Variants in TMEM108 observed in about 807,000 individuals in gnomAD.
TMEM108 encodes the protein transmembrane protein 108.
Under a neutral mutation model 35.1 loss-of-function variants are expected in TMEM108, and 12 were observed. The observed-to-expected ratio is 0.34, with a 90% CI of 0.22 to 0.55. TMEM108 has a LOEUF of 0.55. Among genes scored for constraint, TMEM108 ranks in the 20% least tolerant of loss-of-function variants. The probability of loss-of-function intolerance (pLI) is 0.89; values close to 1 mark genes in which losing one functional copy is unlikely to be tolerated. For missense variants in TMEM108, 680 were observed against 753.3 expected (o/e 0.90, Z 1.14); for synonymous variants, 287 against 308.6 (o/e 0.93, Z 0.73).
At chr3:133,174,770 T>C (rs991999531) in intron 2 of TMEM108, among the ~76,000 whole-genome samples, 1 of 152,152 alleles carries the variant, frequency 6.6e-6, no homozygotes, top group Non-Finnish European at 1.5e-5. Flanking sequence ...ATCAGAGCGC[T>C]TCTCTCCTCC....
At chr3:133,383,558 C>G (rs999987055) in intron 4 of TMEM108, among the ~76,000 whole-genome samples, 1 of 152,192 alleles carries the variant, frequency 6.6e-6, no homozygotes, top group Non-Finnish European at 1.5e-5. Flanking sequence ...TTTTGCAATT[C>G]TAAAAGAACT....
rs557207301 is a variant in TMEM108, at chr3:133,253,135, C to T, written c.40+23784C>T. ...TTTGTTTTCTTCAGGGGTCCTGGGA[C>T]CAGTCCCTCAAGTATACCAAGGGTT... is the stretch of plus-strand genomic sequence containing the variant. On this transcript the variant is annotated intron_variant, in intron 3 of 5. Transcript: ENST00000321871. Among the ~76,000 whole-genome samples the T allele has an allele frequency of 6.6e-5, 10 of 152,272 alleles. No homozygotes were observed. The East Asian group carries it at 1.9e-3, about 29-fold the overall frequency.
chr3:133,310,360 G>A (rs200830754), intron 3 of TMEM108, among the ~76,000 whole-genome samples: 195 of 144,734 alleles, frequency 1.3e-3, no homozygotes, highest in South Asian at 3.6e-3. Context: ...GGTCTCTAAG[G>A]ACTTGCTTTA....
chr3:133,146,903 A>G (rs764849473), intron 2 of TMEM108, among the ~76,000 whole-genome samples: 26 of 152,124 alleles, frequency 1.7e-4, no homozygotes, highest in Non-Finnish European at 3.4e-4. Flanking sequence ...AATCTTTTGA[A>G]AAAACCAGCT....
At chr3:133,059,740 C>T (rs1559819281) in intron 2 of TMEM108, among the ~76,000 whole-genome samples, 1 of 151,640 alleles carries the variant, frequency 6.6e-6, no homozygotes, top group Non-Finnish European at 1.5e-5. Flanking sequence ...TTCTCCATTA[C>T]ATACAAAAAT....
intron 1 of TMEM108, among the ~76,000 whole-genome samples, chr3:133,041,047 C>T (rs541152383): frequency 1.1e-4 from 17 of 152,240 alleles, no homozygotes; most frequent in African/African-American, 3.9e-4. Flanking sequence ...GATAACAGAG[C>T]CACAGGTGGG....
chr3:133,223,075 T>C (rs964793049), intron 2 of TMEM108, among the ~76,000 whole-genome samples: 1 of 152,222 alleles, frequency 6.6e-6, no homozygotes, highest in African/African-American at 2.4e-5. Context: ...AGGCAGTTTA[T>C]AAGTCTCTGT....
chr3:133,255,861 C>T (rs373093469), intron 3 of TMEM108, among the ~76,000 whole-genome samples: 31 of 152,082 alleles, frequency 2.0e-4, no homozygotes, highest in African/African-American at 5.3e-4. Flanking sequence ...TGGTGGTGCA[C>T]GCCTGTCATC....
At chr3:133,204,723 A>G (rs62280347) in intron 2 of TMEM108, among the ~76,000 whole-genome samples, 13,674 of 152,170 alleles carry the variant, frequency 0.09, 773 homozygotes, top group Middle Eastern at 0.16. Context: ...ACTTCCAGTT[A>G]TGTGGTCAAT....
intron 2 of TMEM108, among the ~76,000 whole-genome samples, chr3:133,179,515 A>G (rs1264697613): frequency 6.6e-6 from 1 of 152,160 alleles, no homozygotes; most frequent in Non-Finnish European, 1.5e-5. Context: ...AGGGACATGG[A>G]TGAAGCTGGA....
intron 2 of TMEM108, among the ~76,000 whole-genome samples, chr3:133,203,507 G>A (rs540253448): frequency 1.4e-4 from 21 of 152,190 alleles, no homozygotes; most frequent in South Asian, 4.1e-4. Context: ...GCGTGAATGC[G>A]TGTTGAATTT....
chr3:133,064,559 A>G (rs1943572785), intron 2 of TMEM108, among the ~76,000 whole-genome samples: 2 of 152,202 alleles, frequency 1.3e-5, no homozygotes, highest in South Asian at 4.1e-4. Flanking sequence ...TTGTACAGAA[A>G]TGTGATTTTA....
intron 3 of TMEM108, among the ~76,000 whole-genome samples, chr3:133,300,442 G>C (rs567337737): frequency 1.3e-5 from 2 of 152,104 alleles, no homozygotes; most frequent in Non-Finnish European, 2.9e-5. Flanking sequence ...TAAACATGTA[G>C]CTGGGATTTG....
At chr3:133,199,757 A>G (rs2107825169) in intron 2 of TMEM108, among the ~76,000 whole-genome samples, 1 of 152,216 alleles carries the variant, frequency 6.6e-6, no homozygotes, top group East Asian at 1.9e-4. Flanking sequence ...TCAGATCTCA[A>G]ACTCCGTGCT....
Position 133,109,947 on chromosome 3 carries a change from G to A in TMEM108, c.-47+63927G>A, listed in dbSNP as rs1944205599. Among the ~76,000 whole-genome samples the A allele has an allele frequency of 2.0e-5, 3 of 152,144 alleles. No homozygotes were observed. In the South Asian group the frequency reaches 6.2e-4, roughly 32 times the overall value. ...GGAATTGTGATTTGTAGCTATGACAGATTTTCTTTTTAGGATTGGTAAGTA... is the reference window on the plus strand; with the variant it reads ...GGAATTGTGATTTGTAGCTATGACAAATTTTCTTTTTAGGATTGGTAAGTA... On this transcript the variant is annotated intron_variant, in intron 2 of 5. Coordinates refer to ENST00000321871, the MANE Select transcript of TMEM108 (RefSeq NM_023943.4).
chr3:133,259,046 T>C (rs1228429558), intron 3 of TMEM108, among the ~76,000 whole-genome samples: 5 of 152,208 alleles, frequency 3.3e-5, no homozygotes, highest in African/African-American at 1.2e-4. Flanking sequence ...TTTTTAAATA[T>C]AGGGTAGCAA....
At chr3:133,142,986 A>G (rs1020447339) in intron 2 of TMEM108, among the ~76,000 whole-genome samples, 1 of 152,190 alleles carries the variant, frequency 6.6e-6, no homozygotes, top group African/African-American at 2.4e-5. Flanking sequence ...TTGAATCCAG[A>G]TGGTCTGGCT....
chr3:133,038,632 CGT>C (rs1200862199), intron 1 of TMEM108, among the ~76,000 whole-genome samples, 197 bp downstream of exon 1: 1 of 152,164 alleles, frequency 6.6e-6, no homozygotes, highest in African/African-American at 2.4e-5. Context: ...CTCCCCACTG[CGT>C]GACGGGTCTG....
intron 3 of TMEM108, among the ~76,000 whole-genome samples, chr3:133,373,445 C>G (rs906953167): frequency 2.1e-5 from 3 of 144,244 alleles, no homozygotes; most frequent in Non-Finnish European, 4.6e-5. Flanking sequence ...TAGATAGATA[C>G]AGTATGAGTT....
Sources: allele counts gnomAD v4.1 joint callset (sites outside exome capture counted in the v4.1 genomes callset), GRCh38; gene constraint gnomAD v4.1.1; transcripts MANE v1.5; gene names NCBI Gene and HGNC (gene_info 2026-07-23, HGNC 2026-07-21).